The following EPHB6 variants were observed in gnomAD, a reference collection of about 807,000 sequenced individuals.
EPHB6 encodes ephrin type-B receptor 6.
A neutral mutation model predicts 107.0 loss-of-function variants in EPHB6; 51 were observed. That is an observed-to-expected ratio of 0.48 (90% CI 0.38 to 0.60). The LOEUF (loss-of-function observed/expected upper bound fraction) is 0.60, where lower values mean the gene tolerates loss of function less well. Ranked by LOEUF, EPHB6 falls within the 20% of genes least tolerant of loss-of-function variation. The pLI is 0.00. For synonymous variants in EPHB6, 553 were observed against 549.0 expected (o/e 1.01, Z -0.10); for missense variants, 1,141 against 1,355.5 (o/e 0.84, Z 2.48).
Position 142,864,300 on chromosome 7 carries a change from C to CCTG in EPHB6, c.502_503insGCT (p.Ser167_Ser168insCys). On this transcript the variant is annotated inframe_insertion, in exon 7 of 20. Coordinates refer to ENST00000652003, the MANE Select transcript of EPHB6 (RefSeq NM_004445.6). ...GCAGCAGACGAGAGCTTTCCCTCCT[C>CCTG]CTCCTCCTCCTCCTCCTCCTCTTCT... 4 of 1,596,704 alleles carry CCTG rather than the reference C, an allele frequency of 2.5e-6. No individual in the cohort carries two copies.
At chr7:142,865,867 C>T (rs557122920) in intron 8 of EPHB6, 93 bp from the exon 9 acceptor site, 56 of 1,384,340 alleles carry the variant, frequency 4.0e-5, no homozygotes, top group South Asian at 5.9e-5. Flanking sequence ...CCTTCCCTCT[C>T]GGCCACCCAC....
intron 5 of EPHB6, 74 bp downstream of exon 5, chr7:142,863,401 T>C: frequency 6.9e-7 from 1 of 1,440,412 alleles, no homozygotes; most frequent in South Asian, 1.1e-5. Context: ...GGGAAAGATT[T>C]AGAAAAGGTA....
rs1276348629 is a variant in EPHB6, at chr7:142,868,362, T to C, written c.2038+2T>C. 1.2e-6 allele frequency: 2 copies of C among 1,613,886 alleles called. No individual in the cohort carries two copies. The highest frequency in any genetic ancestry group is 4.5e-5 in the East Asian group (2 of 44,882). ...AGATTGAGGAGGTCATTGGGACAGGTACAGCAGGGCCAAAGCAGGGATCAG... is the reference window on the plus strand; with the variant it reads ...AGATTGAGGAGGTCATTGGGACAGGCACAGCAGGGCCAAAGCAGGGATCAG... On this transcript the variant is annotated splice_donor_variant, in intron 14 of 19. Transcript: ENST00000652003. LOFTEE classifies it high-confidence loss of function. This position sits in a 1 kb window ranked among gnomAD's most constrained non-coding sequence, Gnocchi z 4.2.
Position 142,869,491 on chromosome 7 carries a change from C to T in EPHB6, c.2461-326C>T, listed in dbSNP as rs942001720. Among the ~76,000 whole-genome samples, 6 of 152,224 alleles carry T rather than the reference C, an allele frequency of 3.9e-5. No homozygotes were observed. Among genetic ancestry groups the T allele is most frequent in the African/African-American group, 1.4e-4 (6 of 41,448 alleles). ...TGCTCTCCAGCTCTGTGACCTTGGACAAGTTCACTTTCTCTAAGCTTCACC... is the reference window on the plus strand; with the variant it reads ...TGCTCTCCAGCTCTGTGACCTTGGATAAGTTCACTTTCTCTAAGCTTCACC... On this transcript the variant is annotated intron_variant, in intron 16 of 19. Coordinates refer to ENST00000652003, the MANE Select transcript of EPHB6 (RefSeq NM_004445.6). This position sits in a 1 kb window ranked among gnomAD's most constrained non-coding sequence, Gnocchi z 4.5.
chr7:142,865,680 C>T (rs1424434042), intron 8 of EPHB6, 50 bp downstream of exon 8: 1 of 1,602,672 alleles, frequency 6.2e-7, no homozygotes, highest in South Asian at 1.1e-5. Flanking sequence ...GGAGAGGGGC[C>T]AGAAGTGGGG....
rs1299411632 is a variant in EPHB6, at chr7:142,863,955, C to T, written c.166-11C>T. 1.2e-6 allele frequency: 2 copies of T among 1,614,216 alleles called. No individual in the cohort carries two copies. The highest frequency in any genetic ancestry group is 3.3e-5 in the Admixed American group (2 of 60,034). ...CGGAGCCCCTAAAGCTTCTCCTGGC[C>T]CTTCCTGCAGTGGGACGAGGTGAGT... On this transcript the variant is annotated splice_polypyrimidine_tract_variant and intron_variant, in intron 6 of 19. Transcript: ENST00000652003.
Position 142,866,404 on chromosome 7 carries a change from C to T in EPHB6, c.1463-77C>T. 1.2e-6 allele frequency: 2 copies of T among 1,612,248 alleles called. No individual in the cohort carries two copies. The highest frequency in any genetic ancestry group is 2.2e-5 in the East Asian group (1 of 44,868). On this transcript the variant is annotated intron_variant, in intron 9 of 19. Transcript: ENST00000652003. This position sits in a 1 kb window ranked among gnomAD's most constrained non-coding sequence, Gnocchi z 5.2. ...CTCCTGATCTCCAGCCTGGTCCACC[C>T]CTGCCGCCCTCCCCTCAAGGCTGAT...
intron 4 of EPHB6, 45 bp from the exon 5 acceptor site, chr7:142,863,082 C>A: frequency 1.5e-6 from 1 of 666,804 alleles, no homozygotes; most frequent in Non-Finnish European, 2.6e-6. Flanking sequence ...TATGAAGAAA[C>A]ACTTTCTTCC....
intron 1 of EPHB6, among the ~76,000 whole-genome samples, chr7:142,857,414 A>T (rs531681080): frequency 6.6e-6 from 1 of 152,338 alleles, no homozygotes; most frequent in South Asian, 2.1e-4. Flanking sequence ...GCACGAAGAG[A>T]TCTCCAAGGT....
Position 142,868,919 on chromosome 7 carries a change from G to A in EPHB6, c.2287-55G>A. ...GCTGTTGTCTGCTATGCAGTATGTT[G>A]AGGTCTCCCCCTGTCTCCGATCACT... is the stretch of plus-strand genomic sequence containing the variant. On this transcript the variant is annotated intron_variant, in intron 15 of 19. Coordinates refer to ENST00000652003, the MANE Select transcript of EPHB6 (RefSeq NM_004445.6). This position sits in a 1 kb window ranked among gnomAD's most constrained non-coding sequence, Gnocchi z 4.2. 1.3e-6 allele frequency: 2 copies of A among 1,500,972 alleles called. No homozygotes were observed. The highest frequency in any genetic ancestry group is 2.3e-5 in the South Asian group (2 of 86,602). 93.0% of individuals were successfully genotyped at this position (1,500,972 alleles called of 1,614,324 possible).
In EPHB6 at chr7:142,871,066, T is replaced by G. The variant is rs1794900707; in HGVS notation, c.*162T>G. 2.7e-6 allele frequency: 2 copies of G among 735,772 alleles called. No homozygotes were observed. Among genetic ancestry groups the G allele is most frequent in the Non-Finnish European group, 4.7e-6 (2 of 426,374 alleles). 45.6% of individuals were successfully genotyped at this position (735,772 alleles called of 1,614,324 possible). On this transcript the variant is annotated 3_prime_UTR_variant, in exon 20 of 20. Coordinates refer to ENST00000652003, the MANE Select transcript of EPHB6 (RefSeq NM_004445.6). ...CTCCGCCTCTCCACCAGCCCCCTCC[T>G]CATTAAAGGGAAAGAAGGGAATTTG...
In EPHB6 at chr7:142,867,991, C is replaced by A; in HGVS notation, c.1866-6C>A. ...CGTCATCCCCAGTCACCGTTTTGTT[C>A]CTCAGGAAGCGGCGTGGGACTGGCT... On this transcript the variant is annotated splice_region_variant and splice_polypyrimidine_tract_variant and intron_variant, in intron 12 of 19. Coordinates refer to ENST00000652003, the MANE Select transcript of EPHB6 (RefSeq NM_004445.6). This position sits in a 1 kb window ranked among gnomAD's most constrained non-coding sequence, Gnocchi z 5.3. 1 of 1,571,326 alleles carries A rather than the reference C, an allele frequency of 6.4e-7. No individual in the cohort carries two copies. The highest frequency in any genetic ancestry group is 8.6e-7 in the Non-Finnish European group (1 of 1,158,312).
chr7:142,870,937 C>G lies in EPHB6; in HGVS notation c.*33C>G. ...GATACCCGTGACTCAGCCCTGGACA[C>G]TGGTCCGAGAAGGGACATGTGGGAC... On this transcript the variant is annotated 3_prime_UTR_variant, in exon 20 of 20. Coordinates refer to ENST00000652003, the MANE Select transcript of EPHB6 (RefSeq NM_004445.6). 1 of 1,593,658 alleles carries G rather than the reference C, an allele frequency of 6.3e-7. No homozygotes were observed. The highest frequency in any genetic ancestry group is 8.5e-7 in the Non-Finnish European group (1 of 1,170,336).
In EPHB6 at chr7:142,870,405, A is replaced by G. The variant is rs1340232658; in HGVS notation, c.2802A>G (p.Glu934=). 1.2e-6 allele frequency: 2 copies of G among 1,613,970 alleles called. No individual in the cohort carries two copies. Among genetic ancestry groups the G allele is most frequent in the Non-Finnish European group, 1.7e-6 (2 of 1,180,034 alleles). Reference sequence around the variant, plus strand: ...TGCAGGCTGGCGGGGACCCAGGGGAAAGGTCTGGAGCTTGGGGCTAGAGCC... The same window carrying G: ...TGCAGGCTGGCGGGGACCCAGGGGAGAGGTCTGGAGCTTGGGGCTAGAGCC... The part of the protein sequence containing the change: ...DTLQAGGDPG[E]RPSQALLTPV... The change falls in exon 18 of 20, where the codon GAA becomes GAG. Residue 934 remains glutamate (E), a splice_region_variant and synonymous_variant. Transcript: ENST00000652003.
rs1803105312 is a variant in EPHB6, at chr7:142,865,517, C to T, written c.992C>T (p.Pro331Leu). Reference protein sequence around the residue: ...GLYKASAGNAPCSPCPARSHA... With the variant: ...GLYKASAGNALCSPCPARSHA... ...TATAAGGCTTCTGCTGGGAATGCTC[C>T]CTGCTCACCATGCCCTGCCCGCAGT... Residue 331 changes from proline (P) to leucine (L), a missense_variant, in exon 8 of 20, where the codon CCC (proline) becomes CTC (leucine). Pro to Leu is a moderately conservative substitution (Grantham distance 98). Transcript: ENST00000652003. 2 of 1,613,354 alleles carry T rather than the reference C, an allele frequency of 1.2e-6. No homozygotes were observed. Among genetic ancestry groups the T allele is most frequent in the South Asian group, 2.2e-5 (2 of 91,076 alleles).
At position 142,858,565 on chromosome 7, in the gene EPHB6, A is replaced by G. The variant is rs1259557043; in HGVS notation, c.-431-2487A>G. 4.7e-5 allele frequency among the ~76,000 whole-genome samples: 7 copies of G among 147,682 alleles called. No individual in the cohort carries two copies. In the East Asian group the frequency reaches 1.4e-3, roughly 29 times the overall value. On this transcript the variant is annotated intron_variant, in intron 1 of 19. Transcript: ENST00000652003. ...ATTCTCCTGCCTCAGCCTCCCCAGC[A>G]GCTGGGACTACAGGCACACGCCACC... is the stretch of plus-strand genomic sequence containing the variant.
In EPHB6 at chr7:142,870,308, A is replaced by T; in HGVS notation, c.2705A>T (p.Asp902Val). 6.2e-7 allele frequency: 1 copy of T among 1,614,198 alleles called. No homozygotes were observed. The highest frequency in any genetic ancestry group is 8.5e-7 in the Non-Finnish European group (1 of 1,180,036). Reference protein sequence around the residue: ...HLLMLDTWQKDRARRPHFDQL... With the variant: ...HLLMLDTWQKVRARRPHFDQL... Reference sequence around the variant, plus strand: ...CTTATGTTGGACACTTGGCAGAAGGACCGTGCCCGGCGGCCTCATTTTGAC... The same window carrying T: ...CTTATGTTGGACACTTGGCAGAAGGTCCGTGCCCGGCGGCCTCATTTTGAC... Residue 902 changes from aspartate to valine, a missense_variant, in exon 18 of 20, where the codon GAC becomes GTC. Asp to Val is a radical substitution (Grantham distance 152). This residue lies in a region of EPHB6 where 616 missense variants were observed against 759.3 expected (regional missense o/e 0.81). Transcript: ENST00000652003.
intron 17 of EPHB6, 53 bp downstream of exon 17, chr7:142,870,019 G>C: frequency 6.2e-7 from 1 of 1,613,474 alleles, no homozygotes; most frequent in Non-Finnish European, 8.5e-7. Context: ...CTCCCAGGTT[G>C]GAACATTCTA....
rs917997935 is a variant in EPHB6 at position 142,868,155 on chromosome 7, C to T, written c.1919-86C>T. The T allele has an allele frequency of 1.9e-6, 3 of 1,613,966 alleles. No individual in the cohort carries two copies. Among genetic ancestry groups the T allele is most frequent in the African/African-American group, 1.3e-5 (1 of 75,036 alleles). ...GATTGGGGGAGCTCCTTGGCACAACCTTCTGGAGGTAAGTGGGCATGTCTG... is the reference window on the plus strand; with the variant it reads ...GATTGGGGGAGCTCCTTGGCACAACTTTCTGGAGGTAAGTGGGCATGTCTG... On this transcript the variant is annotated intron_variant, in intron 13 of 19. Transcript: ENST00000652003. The surrounding 1 kb of genome is among the most constrained non-coding windows in gnomAD (Gnocchi z 4.2).
Sources: allele counts gnomAD v4.1 joint callset (sites outside exome capture counted in the v4.1 genomes callset), GRCh38; gene constraint gnomAD v4.1.1; regional missense constraint gnomAD v4.1.1; non-coding constraint Gnocchi (gnomAD v3.1); transcripts MANE v1.5; gene names NCBI Gene and HGNC (gene_info 2026-07-23, HGNC 2026-07-21).